Variants in COL24A1 observed in about 807,000 individuals in gnomAD.
COL24A1 encodes the protein collagen type XXIV alpha 1 chain, also known as collagen alpha-1(XXIV) chain.
Under a neutral mutation model 253.9 loss-of-function variants are expected in COL24A1, and 224 were observed. The ratio of observed to expected loss-of-function variants is 0.88; its 90% confidence interval spans 0.79 to 0.99. COL24A1 has a LOEUF of 0.99. COL24A1 is among the 50% of genes least tolerant of loss of function. The pLI is 0.00. For synonymous variants in COL24A1, 685 were observed against 673.7 expected, an observed-to-expected ratio of 1.02 and a Z score of -0.26; for missense variants, 2,131 against 2,068.5, an observed-to-expected ratio of 1.03 and a Z score of -0.59.
intron 2 of COL24A1, among the ~76,000 whole-genome samples, chr1:86,128,825 C>A (rs80087440): frequency 6.6e-6 from 1 of 151,738 alleles, no homozygotes; most frequent in African/African-American, 2.4e-5. Flanking sequence ...AAAATAAAAT[C>A]TTATTAGTTT....
At chr1:86,097,151 A>C (rs1219021928) in intron 5 of COL24A1, among the ~76,000 whole-genome samples, 1 of 152,272 alleles carries the variant, frequency 6.6e-6, no homozygotes, top group African/African-American at 2.4e-5. Context: ...ATCTTAAAAA[A>C]AGCTTTCCTT....
intron 1 of COL24A1, among the ~76,000 whole-genome samples, chr1:86,150,882 T>C (rs1032886202): frequency 6.6e-6 from 1 of 152,192 alleles, no homozygotes; most frequent in Admixed American, 6.5e-5. Context: ...GGGTCTTAGC[T>C]GACTCATCTA....
intron 55 of COL24A1, among the ~76,000 whole-genome samples, chr1:85,757,855 G>A (rs972187179): frequency 1.3e-5 from 2 of 152,152 alleles, no homozygotes; most frequent in Admixed American, 1.3e-4. Context: ...CTCTCATTAA[G>A]TGCAGTGAGG....
At chr1:86,056,783 GGCAGAGGTT>G (rs1020090109) in intron 10 of COL24A1, among the ~76,000 whole-genome samples, 8 of 151,694 alleles carry the variant, frequency 5.3e-5, no homozygotes, top group African/African-American at 1.9e-4. Context: ...GGACCCGGGA[GGCAGAGGTT>G]GCAGTGAGCC....
intron 35 of COL24A1, among the ~76,000 whole-genome samples, chr1:85,872,602 T>C (rs1175479205): frequency 6.6e-6 from 1 of 152,184 alleles, no homozygotes; most frequent in Admixed American, 6.5e-5. Context: ...ATTCCCTATT[T>C]AGTAAATGGT....
At chr1:85,790,441 T>A (rs897142780) in intron 47 of COL24A1, among the ~76,000 whole-genome samples, 1 of 152,180 alleles carries the variant, frequency 6.6e-6, no homozygotes, top group Non-Finnish European at 1.5e-5. Context: ...GATTCTTCTA[T>A]CTTTTCTTCT....
chr1:86,130,870 C>T (rs953584062), intron 2 of COL24A1, among the ~76,000 whole-genome samples: 1 of 151,858 alleles, frequency 6.6e-6, no homozygotes, highest in Non-Finnish European at 1.5e-5. Context: ...TTTCTTTTGA[C>T]AAATAGAGCC....
In COL24A1 at chr1:85,925,518, G is replaced by A. The variant is rs376772588; in HGVS notation, c.2563-14085C>T. ...GAACAGAGCCCTCAGAAATAACGCC[G>A]CATATCTACAACTATCTGATCTTTG... On this transcript the variant is annotated intron_variant, in intron 24 of 59. Coordinates refer to ENST00000370571, the MANE Select transcript of COL24A1 (RefSeq NM_152890.7). 2.8e-4 allele frequency among the ~76,000 whole-genome samples: 42 copies of A among 152,062 alleles called. No individual in the cohort carries two copies. The East Asian group carries it at 3.3e-3, about 12-fold the overall frequency.
chr1:85,991,281 GC>G (rs1244649703), intron 19 of COL24A1, among the ~76,000 whole-genome samples: 4 of 152,192 alleles, frequency 2.6e-5, no homozygotes, highest in African/African-American at 9.6e-5. Context: ...TGATTGGGGA[GC>G]TTCAACAACT....
At chr1:86,032,902 C>T (rs971080235) in intron 13 of COL24A1, among the ~76,000 whole-genome samples, 3 of 152,070 alleles carry the variant, frequency 2.0e-5, no homozygotes, top group African/African-American at 7.2e-5. Flanking sequence ...AATGGCTTCA[C>T]ACTAGGTACA....
At chr1:85,788,380 C>T (rs570070461) in intron 47 of COL24A1, among the ~76,000 whole-genome samples, 42 of 152,158 alleles carry the variant, frequency 2.8e-4, no homozygotes, top group South Asian at 8.3e-4. Flanking sequence ...CGTGAGCCAC[C>T]GCGCCTGGCC....
At chr1:86,081,667 A>G (rs1702651008) in intron 7 of COL24A1, among the ~76,000 whole-genome samples, 1 of 152,160 alleles carries the variant, frequency 6.6e-6, no homozygotes, top group South Asian at 2.1e-4. Context: ...TTGTCTGGTA[A>G]TTGGTCACGA....
In COL24A1 at chr1:86,060,195, T is replaced by TA. The variant is rs201203631; in HGVS notation, c.1753-1022dup. On this transcript the variant is annotated intron_variant, in intron 8 of 59. Coordinates refer to ENST00000370571, the MANE Select transcript of COL24A1 (RefSeq NM_152890.7). Reference sequence around the variant, plus strand: ...AGACAAAATATTATAACTTTTTTTTTAAAAAAGACTCTTTTTCATTGATAC... The same window carrying TA: ...AGACAAAATATTATAACTTTTTTTTTAAAAAAAGACTCTTTTTCATTGATAC... Among the ~76,000 whole-genome samples the TA allele has an allele frequency of 2.6e-5, 4 of 152,106 alleles. No individual in the cohort carries two copies. The East Asian group carries it at 7.7e-4, about 29-fold the overall frequency.
Position 85,882,574 on chromosome 1 carries a change from G to C in COL24A1, c.2977-5399C>G, listed in dbSNP as rs142834321. ...TGAGTGTTCCATGTCAGTTTGTGAAGCATGTGCATTCTACTGTTGTTGGAT... is the reference window on the plus strand; with the variant it reads ...TGAGTGTTCCATGTCAGTTTGTGAACCATGTGCATTCTACTGTTGTTGGAT... On this transcript the variant is annotated intron_variant, in intron 32 of 59. Transcript: ENST00000370571. Among the ~76,000 whole-genome samples the C allele has an allele frequency of 2.9e-3, 408 of 138,534 alleles. 1 individual carries two copies. The highest frequency in any genetic ancestry group is 9.0e-3 in the African/African-American group (342 of 37,958). The allele number at this position is 138,534 out of a possible 152,430, so 90.9% of individuals were successfully genotyped here.
intron 22 of COL24A1, among the ~76,000 whole-genome samples, chr1:85,966,857 T>C (rs1189340667): frequency 1.3e-5 from 2 of 152,080 alleles, no homozygotes; most frequent in East Asian, 1.9e-4. Context: ...GACAACACTT[T>C]TGAGGAATTT....
chr1:86,142,424 G>A (rs1292901904), intron 2 of COL24A1, among the ~76,000 whole-genome samples: 1 of 151,756 alleles, frequency 6.6e-6, no homozygotes, highest in Non-Finnish European at 1.5e-5. Flanking sequence ...TCGGGAGGCT[G>A]AGGCAGGAGA....
chr1:85,937,123 G>A (rs1192449487), intron 24 of COL24A1, among the ~76,000 whole-genome samples: 2 of 147,682 alleles, frequency 1.4e-5, no homozygotes, highest in Middle Eastern at 3.3e-3. Context: ...CCAGCTGTCA[G>A]AAGGAGAAAG....
chr1:85,860,781 G>T (rs1679054644), intron 37 of COL24A1, among the ~76,000 whole-genome samples: 1 of 152,168 alleles, frequency 6.6e-6, no homozygotes, highest in South Asian at 2.1e-4. Context: ...TCAATATGTG[G>T]TTTCTAGTGA....
At chr1:86,056,691 T>C (rs949094663) in intron 10 of COL24A1, among the ~76,000 whole-genome samples, 5 of 151,790 alleles carry the variant, frequency 3.3e-5, no homozygotes, top group African/African-American at 9.7e-5. Flanking sequence ...CTGTCTCTAC[T>C]AAAAATACAA....
Sources: allele counts gnomAD v4.1 joint callset (sites outside exome capture counted in the v4.1 genomes callset), GRCh38; gene constraint gnomAD v4.1.1; transcripts MANE v1.5; gene names NCBI Gene and HGNC (gene_info 2026-07-23, HGNC 2026-07-21).